The following DZIP1L variants were observed in gnomAD, a reference collection of about 807,000 sequenced individuals.
The protein encoded by DZIP1L is DAZ interacting zinc finger protein 1 like, also known as cilium assembly protein DZIP1L.
A neutral mutation model predicts 88.7 loss-of-function variants in DZIP1L; 90 were observed. The ratio of observed to expected loss-of-function variants is 1.02; its 90% CI spans 0.86 to 1.21. DZIP1L has a LOEUF of 1.21. Among genes scored for constraint, DZIP1L ranks in the 50% most tolerant of loss-of-function variants. The pLI is 0.00. For missense variants in DZIP1L, 932 were observed against 955.8 expected, an observed-to-expected ratio of 0.98 and a Z score of 0.33; for synonymous variants, 363 against 372.1, an observed-to-expected ratio of 0.98 and a Z score of 0.28.
rs764994133 is a variant in DZIP1L at position 138,103,569 on chromosome 3, C to T, written c.403G>A (p.Glu135Lys). Residue 135 changes from glutamate to lysine, a missense_variant, in exon 2 of 16, where the codon GAG becomes AAG. Transcript: ENST00000327532. ...CTCTCCTCCCGCACACCCTTGAGCT[C>T]GTCAGCCTGGCGTCCCAGCTCCTGC... ...GQQELGRQADELKGVREESRR... is the reference protein window; with the variant it reads ...GQQELGRQADKLKGVREESRR... 8 of 1,608,268 alleles carry T rather than the reference C, an allele frequency of 5.0e-6. No homozygotes were observed. The highest frequency in any genetic ancestry group is 4.5e-5 in the East Asian group (2 of 44,838).
rs563594840 is a variant in DZIP1L at position 138,075,886 on chromosome 3, G to C, written c.1422+1613C>G. ...AGGCAGGAAAATCCCTTGAACCAGG[G>C]AGTCGGAGGTTGCAGTGAGCCGAGA... is the stretch of plus-strand genomic sequence containing the variant. On this transcript the variant is annotated intron_variant, in intron 11 of 15. Transcript: ENST00000327532. Among the ~76,000 whole-genome samples the C allele has an allele frequency of 6.6e-5, 10 of 152,222 alleles. No homozygotes were observed. In the East Asian group the frequency reaches 1.2e-3, roughly 18 times the overall value.
chr3:138,075,407 C>T (rs1008386025), intron 11 of DZIP1L, among the ~76,000 whole-genome samples: 11 of 152,156 alleles, frequency 7.2e-5, no homozygotes, highest in African/African-American at 2.4e-4. Context: ...TGATAGGCCA[C>T]AAAACAAGTC....
chr3:138,087,184 G>A (rs1463338065), intron 6 of DZIP1L, among the ~76,000 whole-genome samples, 161 bp from the exon 7 acceptor site: 3 of 152,180 alleles, frequency 2.0e-5, no homozygotes, highest in Admixed American at 2.0e-4. Context: ...AACTAAGTAT[G>A]AGGAGAGGGA....
At chr3:138,101,829 C>G (rs1293664806) in intron 2 of DZIP1L, 2 of 1,258,588 alleles carry the variant, frequency 1.6e-6, no homozygotes, top group African/African-American at 2.9e-5. Context: ...GCAGCTGCCG[C>G]TCCATGTCCT....
intron 13 of DZIP1L, 25 bp downstream of exon 13, chr3:138,068,126 T>G: frequency 6.9e-7 from 1 of 1,457,938 alleles, no homozygotes; most frequent in Non-Finnish European, 9.1e-7. Context: ...GCAGGTGGGG[T>G]GAGAGGGCAG....
rs910739330 is a variant in DZIP1L, at chr3:138,087,092, A to C, written c.1000-69T>G. ...TAAAACATGTTATAAAGCTACAGGAAGTTAAAAGTACTGGCTCATGGGTAG... is the reference window on the plus strand; with the variant it reads ...TAAAACATGTTATAAAGCTACAGGACGTTAAAAGTACTGGCTCATGGGTAG... On this transcript the variant is annotated intron_variant, in intron 6 of 15. Transcript: ENST00000327532. 11 of 1,482,758 alleles carry C rather than the reference A, an allele frequency of 7.4e-6. No individual in the cohort carries two copies. The African/African-American group carries it at 1.4e-4, about 19-fold the overall frequency. The allele number at this position is 1,482,758 out of a possible 1,614,324, so 91.9% of individuals were successfully genotyped here.
intron 2 of DZIP1L, chr3:138,102,574 T>G (rs1576497641): frequency 6.9e-7 from 1 of 1,444,622 alleles, no homozygotes; most frequent in East Asian, 2.3e-5. Flanking sequence ...CATCTTGTTC[T>G]GCTGCTCCAG....
rs1351317779 is a variant in DZIP1L at position 138,062,713 on chromosome 3, G to C, written c.*103C>G. The C allele has an allele frequency of 7.6e-7, 1 of 1,310,066 alleles. No individual in the cohort carries two copies. The highest frequency in any genetic ancestry group is 1.5e-5 in the African/African-American group (1 of 68,296). The allele number at this position is 1,310,066 out of a possible 1,614,324, so 81.2% of individuals were successfully genotyped here. A position where few individuals can be genotyped will look rare whatever the true frequency, so the allele number is the denominator to read the frequency against. The stretch of plus-strand genomic sequence containing the variant: ...CTTCTCTCCAAGAGGATGATCTCTT[G>C]GTTGTTTGTGAAGACAAGAGGCCCA... On this transcript the variant is annotated 3_prime_UTR_variant, in exon 16 of 16. Transcript: ENST00000327532.
At chr3:138,110,547 C>T (rs1403159733) in intron 1 of DZIP1L, among the ~76,000 whole-genome samples, 1 of 152,186 alleles carries the variant, frequency 6.6e-6, no homozygotes, top group Non-Finnish European at 1.5e-5. Context: ...CCCTGCCCCT[C>T]CCCTGGGCTT....
In DZIP1L at chr3:138,097,013, C is replaced by G. The variant is rs1944504505; in HGVS notation, c.586+750G>C. Among the ~76,000 whole-genome samples, 7 of 151,854 alleles carry G rather than the reference C, an allele frequency of 4.6e-5. 1 individual carries two copies. The highest frequency in any genetic ancestry group is 1.7e-4 in the African/African-American group (7 of 41,344). ...TGGCCAACACAGTGAGACCTCATCT[C>G]TATGAAAAATTTTTAAAATTAGCCA... On this transcript the variant is annotated intron_variant, in intron 3 of 15. Transcript: ENST00000327532.
rs760767481 is a variant in DZIP1L, at chr3:138,097,854, A to G, written c.502-7T>C. ...TCTTGTCACACAGGTGGCACTATACAGAGAGGAAGCAATGGGGAGTACAAG... is the reference window on the plus strand; with the variant it reads ...TCTTGTCACACAGGTGGCACTATACGGAGAGGAAGCAATGGGGAGTACAAG... On this transcript the variant is annotated splice_region_variant and splice_polypyrimidine_tract_variant and intron_variant, in intron 2 of 15. Transcript: ENST00000327532. 1 of 1,609,624 alleles carries G rather than the reference A, an allele frequency of 6.2e-7. No individual in the cohort carries two copies. The highest frequency in any genetic ancestry group is 2.2e-5 in the East Asian group (1 of 44,840).
intron 2 of DZIP1L, 57 bp from the exon 3 acceptor site, chr3:138,097,904 G>T: frequency 6.7e-7 from 1 of 1,483,790 alleles, no homozygotes; most frequent in Non-Finnish European, 9.3e-7. Flanking sequence ...GTCAGCCTGG[G>T]ATTTTCCCTA....
chr3:138,110,073 T>TA (rs2042593136), intron 1 of DZIP1L, among the ~76,000 whole-genome samples: 2 of 152,188 alleles, frequency 1.3e-5, no homozygotes, highest in Admixed American at 6.5e-5. Flanking sequence ...TCCCAGAACT[T>TA]AAAGTAAAAT....
In DZIP1L at chr3:138,087,037, A is replaced by G. The variant is rs751917892; in HGVS notation, c.1000-14T>C. ...CCACTCCGTTTTCTGAAAAAGATTA[A>G]AAGCTTATCAAATGGGCCCTTGCAG... On this transcript the variant is annotated splice_polypyrimidine_tract_variant and intron_variant, in intron 6 of 15. Transcript: ENST00000327532. 1 of 1,613,738 alleles carries G rather than the reference A, an allele frequency of 6.2e-7. No individual in the cohort carries two copies. The highest frequency in any genetic ancestry group is 1.1e-5 in the South Asian group (1 of 91,050).
Position 138,081,759 on chromosome 3 carries a change from C to G in DZIP1L, c.1209G>C (p.Gln403His), listed in dbSNP as rs773304760. ...CTTCCACCTTCCTGAGAGACAAGGA[C>G]TGGATCTGCAAAGAGGTGGAATAGA... ...RIIASQEEMI[Q>H]SLSLRKVEGI... is the part of the protein sequence containing the mutation. The change falls in exon 9 of 16, where the codon CAG (glutamine) becomes CAC (histidine). Residue 403 changes from glutamine (Q) to histidine (H), a missense_variant. Physicochemically the swap from Gln to His is conservative, Grantham distance 24 (BLOSUM62 0). Transcript: ENST00000327532. 5 of 1,613,402 alleles carry G rather than the reference C, an allele frequency of 3.1e-6. No individual in the cohort carries two copies. Among genetic ancestry groups the G allele is most frequent in the Non-Finnish European group, 4.2e-6 (5 of 1,179,582 alleles).
At chr3:138,095,098 T>C in intron 3 of DZIP1L, 115 bp from the exon 4 acceptor site, 1 of 1,484,688 alleles carries the variant, frequency 6.7e-7, no homozygotes, top group Non-Finnish European at 9.1e-7. Context: ...CGCTACTTAG[T>C]ACGTTGACAT....
rs554641225 is a variant in DZIP1L at position 138,081,282 on chromosome 3, G to A, written c.1234+452C>T. On this transcript the variant is annotated intron_variant, in intron 9 of 15. Coordinates refer to ENST00000327532, the MANE Select transcript of DZIP1L (RefSeq NM_173543.3). The stretch of plus-strand genomic sequence containing the variant: ...TGCACCCCATTACACACAGACACAC[G>A]CATCCCCACACCAGAGTACCCAAGA... 9.3e-4 allele frequency among the ~76,000 whole-genome samples: 141 copies of A among 152,182 alleles called. No individual in the cohort carries two copies. In the South Asian group the frequency reaches 0.013, roughly 15 times the overall value.
chr3:138,106,272 G>A (rs1249806195), intron 1 of DZIP1L, among the ~76,000 whole-genome samples: 4 of 150,272 alleles, frequency 2.7e-5, no homozygotes, highest in Non-Finnish European at 5.9e-5. Flanking sequence ...CAGAGTAGCC[G>A]GGATTACAGG....
chr3:138,102,473 G>T, intron 2 of DZIP1L: 1 of 1,421,972 alleles, frequency 7.0e-7, no homozygotes, highest in Non-Finnish European at 9.8e-7. Flanking sequence ...TCCAGCTGCT[G>T]CCTAAGGTTG....
Sources: gnomAD v4.1 joint callset for allele counts (sites outside exome capture counted in the v4.1 genomes callset) on GRCh38, gnomAD v4.1.1 for gene constraint, MANE v1.5 for transcripts, NCBI Gene and HGNC (gene_info 2026-07-23, HGNC 2026-07-21) for gene names.